Variants in CFAP251 observed in about 807,000 individuals in gnomAD.
CFAP251 encodes cilia- and flagella-associated protein 251.
Under a neutral mutation model 126.7 loss-of-function variants are expected in CFAP251, and 93 were observed. The observed-to-expected ratio is 0.73, with a 90% CI of 0.62 to 0.87. The LOEUF is 0.87. Ranked by LOEUF, CFAP251 falls within the 40% of genes least tolerant of loss-of-function variation. The pLI is 0.00. For synonymous variants in CFAP251, 503 were observed against 506.9 expected (o/e 0.99, Z 0.10); for missense variants, 1,287 against 1,389.2 (o/e 0.93, Z 1.17).
chr12:121,972,879 A>G (rs1054251103), intron 17 of CFAP251, among the ~76,000 whole-genome samples: 7 of 152,220 alleles, frequency 4.6e-5, no homozygotes, highest in African/African-American at 1.7e-4. Context: ...AGCAGAGCAT[A>G]AAAGTTTGGA....
At chr12:121,924,069 A>G (rs1308465883) in intron 3 of CFAP251, 79 bp downstream of exon 3, 3 of 1,431,990 alleles carry the variant, frequency 2.1e-6, no homozygotes, top group Non-Finnish European at 2.8e-6. Context: ...ATGTTGGGGG[A>G]AAAAGAATAC....
chr12:121,993,717 G>C (rs1391132276), intron 19 of CFAP251, among the ~76,000 whole-genome samples: 1 of 149,972 alleles, frequency 6.7e-6, no homozygotes, highest in Admixed American at 6.6e-5. Context: ...GAAGTGAGGA[G>C]ACCCTCTGCC....
At chr12:121,943,018 C>T (rs773317466) in intron 7 of CFAP251, 43 bp downstream of exon 7, 3 of 1,605,000 alleles carry the variant, frequency 1.9e-6, no homozygotes, top group African/African-American at 1.3e-5. Context: ...TGAAGTTATA[C>T]AGGTGCAAGG....
chr12:121,980,848 A>C (rs1882603206), intron 19 of CFAP251, among the ~76,000 whole-genome samples: 1 of 152,208 alleles, frequency 6.6e-6, no homozygotes, highest in African/African-American at 2.4e-5. Context: ...GGGAAGAAGC[A>C]CATCTTGGTG....
intron 7 of CFAP251, among the ~76,000 whole-genome samples, 182 bp downstream of exon 7, chr12:121,943,157 A>G (rs907026632): frequency 1.3e-5 from 2 of 152,130 alleles, no homozygotes; most frequent in African/African-American, 4.8e-5. Flanking sequence ...TACTAAAAAT[A>G]CAAAAATTCC....
At position 121,960,665 on chromosome 12, in the gene CFAP251, C is replaced by T; in HGVS notation, c.2214C>T (p.Arg738=). 4 of 1,614,148 alleles carry T rather than the reference C, an allele frequency of 2.5e-6. No homozygotes were observed. The Admixed American group carries it at 6.7e-5, about 27-fold the overall frequency. Residue 738 remains arginine (R), a synonymous_variant, in exon 14 of 22, where the codon CGC becomes CGT. Coordinates refer to ENST00000288912, the MANE Select transcript of CFAP251 (RefSeq NM_144668.6). ...QRVWEYLARL[R]SHRKSIRSLL... ...TCTGGGAGTACTTAGCAAGACTTCGCTCTCATCGCAAAAGCATTCGAAGTC... is the reference window on the plus strand; with the variant it reads ...TCTGGGAGTACTTAGCAAGACTTCGTTCTCATCGCAAAAGCATTCGAAGTC...
chr12:122,002,603 A>G (rs910942415), intron 21 of CFAP251, among the ~76,000 whole-genome samples: 3 of 152,186 alleles, frequency 2.0e-5, no homozygotes, highest in Non-Finnish European at 2.9e-5. Context: ...CTTGGTGGGC[A>G]GTACAAGCCC....
intron 8 of CFAP251, chr12:121,949,719 C>G (rs916771193): frequency 1.3e-5 from 2 of 151,988 alleles, no homozygotes; most frequent in Non-Finnish European, 2.9e-5. Context: ...CTCATCTCTA[C>G]AAAAAATTAT....
chr12:121,924,673 G>A (rs375803750), intron 3 of CFAP251, among the ~76,000 whole-genome samples: 4 of 139,754 alleles, frequency 2.9e-5, no homozygotes, highest in African/African-American at 8.0e-5. Flanking sequence ...CTCGTGATCC[G>A]CCCACCTCGG....
At chr12:121,960,838 C>A in intron 14 of CFAP251, 80 bp downstream of exon 14, 1 of 1,487,606 alleles carries the variant, frequency 6.7e-7, no homozygotes. Context: ...TTGCATAGAG[C>A]CAGGCCCACA....
At chr12:121,994,453 C>G (rs184160869) in intron 19 of CFAP251, among the ~76,000 whole-genome samples, 283 of 98,750 alleles carry the variant, frequency 2.9e-3, no homozygotes, top group East Asian at 7.0e-3. Flanking sequence ...CCGTCTGGGA[C>G]GTGTGCCCAA....
At chr12:122,002,200 C>T (rs767330660) in intron 21 of CFAP251, among the ~76,000 whole-genome samples, 2 of 151,888 alleles carry the variant, frequency 1.3e-5, no homozygotes, top group South Asian at 2.1e-4. Flanking sequence ...ACTAAAAATA[C>T]GAAAATTAGC....
At chr12:121,963,777 A>T (rs1255085423) in intron 15 of CFAP251, among the ~76,000 whole-genome samples, 1 of 150,704 alleles carries the variant, frequency 6.6e-6, no homozygotes, top group African/African-American at 2.4e-5. Context: ...AGGCTGTGTG[A>T]CTTGTCCAAG....
intron 7 of CFAP251, among the ~76,000 whole-genome samples, chr12:121,945,028 C>A (rs922366012): frequency 6.6e-6 from 1 of 152,212 alleles, no homozygotes; most frequent in African/African-American, 2.4e-5. Flanking sequence ...AGCCATCCAC[C>A]CGCCTCAGCC....
In CFAP251 at chr12:121,951,463, T is replaced by G; in HGVS notation, c.1270-17T>G. On this transcript the variant is annotated splice_polypyrimidine_tract_variant and intron_variant, in intron 8 of 21. Coordinates refer to ENST00000288912, the MANE Select transcript of CFAP251 (RefSeq NM_144668.6). ...ACTGGGTCTTTTTGAGTAGTGATTA[T>G]TTTTTCCTCTTATCAGTATGAAGAG... 6.6e-7 allele frequency: 1 copy of G among 1,522,688 alleles called. No homozygotes were observed. Among genetic ancestry groups the G allele is most frequent in the Non-Finnish European group, 9.0e-7 (1 of 1,114,126 alleles). The allele number at this position is 1,522,688 out of a possible 1,614,324, so 94.3% of individuals were successfully genotyped here. A position where few individuals can be genotyped will look rare whatever the true frequency, so the allele number is the denominator to read the frequency against.
At chr12:121,946,271 G>T (rs982512310) in intron 7 of CFAP251, among the ~76,000 whole-genome samples, 4 of 152,200 alleles carry the variant, frequency 2.6e-5, no homozygotes, top group Admixed American at 6.5e-5. Flanking sequence ...CATTGAATAG[G>T]TGTGTAACTG....
At chr12:121,960,087 C>T (rs1881877371) in intron 13 of CFAP251, among the ~76,000 whole-genome samples, 1 of 152,108 alleles carries the variant, frequency 6.6e-6, no homozygotes, top group South Asian at 2.1e-4. Context: ...GAGCCGTGAT[C>T]AGGCCACTGC....
At chr12:121,976,773 G>T (rs1263637817) in intron 19 of CFAP251, among the ~76,000 whole-genome samples, 2 of 152,022 alleles carry the variant, frequency 1.3e-5, no homozygotes, top group Non-Finnish European at 2.9e-5. Context: ...GCCCGGTGTG[G>T]TGGCCCATGC....
chr12:121,999,865 T>G lies in CFAP251; in HGVS notation c.3156T>G (p.Phe1052Leu), dbSNP rs906486001. 1.2e-6 allele frequency: 2 copies of G among 1,614,096 alleles called. No homozygotes were observed. Among genetic ancestry groups the G allele is most frequent in the African/African-American group, 2.7e-5 (2 of 74,936 alleles). Residue 1052 changes from phenylalanine (F) to leucine (L), a missense_variant, in exon 20 of 22, where the codon TTT (phenylalanine) becomes TTG (leucine). Coordinates refer to ENST00000288912, the MANE Select transcript of CFAP251 (RefSeq NM_144668.6). ...CCATGAGTGGCATCCACAAGAGCTT[T>G]GAGGTGCTCGGTTATACCAACTCCA... ...GNTMSGIHKS[F>L]EVLGYTNSKG...
Sources: allele counts gnomAD v4.1 joint callset (sites outside exome capture counted in the v4.1 genomes callset), GRCh38; gene constraint gnomAD v4.1.1; transcripts MANE v1.5; gene names NCBI Gene and HGNC (gene_info 2026-07-23, HGNC 2026-07-21).